Variants in NCOA2 observed in about 807,000 individuals in gnomAD.
The protein encoded by NCOA2 is class E basic helix-loop-helix protein 75.
A neutral mutation model predicts 145.1 loss-of-function variants in NCOA2; 21 were observed. The observed-to-expected ratio is 0.14, with a 90% CI of 0.10 to 0.21. The LOEUF (loss-of-function observed/expected upper bound fraction) is 0.21. Ranked by LOEUF, NCOA2 falls within the 10% of genes least tolerant of loss-of-function variation. The probability of loss-of-function intolerance (pLI) is 1.00; values close to 1 mark genes in which losing one functional copy is unlikely to be tolerated. For synonymous variants in NCOA2, 619 were observed against 637.5 expected (o/e 0.97, Z 0.44); for missense variants, 1,472 against 1,837.6 (o/e 0.80, Z 3.64).
chr8:70,168,937 T>G (rs1266613920), intron 6 of NCOA2, among the ~76,000 whole-genome samples: 1 of 152,232 alleles, frequency 6.6e-6, no homozygotes, highest in Non-Finnish European at 1.5e-5. Flanking sequence ...TTTGTATCAC[T>G]GTTATAGTCA....
chr8:70,223,037 G>A (rs1181284436), intron 2 of NCOA2, among the ~76,000 whole-genome samples: 2 of 152,146 alleles, frequency 1.3e-5, no homozygotes, highest in Non-Finnish European at 2.9e-5. Flanking sequence ...GTTTTAATGA[G>A]GCCTCAGATG....
At chr8:70,142,834 A>G (rs1452125932) in intron 13 of NCOA2, among the ~76,000 whole-genome samples, 2 of 151,536 alleles carry the variant, frequency 1.3e-5, no homozygotes, top group African/African-American at 4.8e-5. Flanking sequence ...TCTGTTATCT[A>G]AATAATATGA....
chr8:70,433,200 G>A, the NCOA2 span, among the ~76,000 whole-genome samples: 5 of 152,116 alleles, frequency 3.3e-5, no homozygotes, highest in Non-Finnish European at 5.9e-5. Flanking sequence ...ATTTCCAAGA[G>A]AAAGAACATG....
At chr8:70,441,694 G>T in the NCOA2 span, among the ~76,000 whole-genome samples, 1 of 121,250 alleles carries the variant, frequency 8.2e-6, no homozygotes, top group East Asian at 2.4e-4. Flanking sequence ...AAAGGAAGAA[G>T]AAAGAAAAGA....
chr8:70,216,844 A>G, intron 2 of NCOA2, 80 bp from the exon 3 acceptor site: 1 of 912,614 alleles, frequency 1.1e-6, no homozygotes, highest in Non-Finnish European at 1.8e-6. Flanking sequence ...ACCAACAATA[A>G]AAGAATTTTG....
intron 1 of NCOA2, among the ~76,000 whole-genome samples, chr8:70,316,088 C>A (rs745413220): frequency 6.6e-6 from 1 of 152,178 alleles, no homozygotes; most frequent in Non-Finnish European, 1.5e-5. Context: ...GGAGAGTCAT[C>A]CGCACGATGC....
intron 2 of NCOA2, among the ~76,000 whole-genome samples, chr8:70,259,250 A>G (rs976832403): frequency 2.6e-5 from 4 of 152,348 alleles, no homozygotes; most frequent in African/African-American, 9.6e-5. Flanking sequence ...GACTACGCTG[A>G]CAGAGCCTTT....
Position 70,157,108 on chromosome 8 carries a change from G to A in NCOA2, c.1257C>T (p.Leu419=). ...CSGNPGQDMT[L]SSNINFPING... ...TTATGGGAAAATTTATATTGCTACT[G>A]AGGGTCATGTCCTGACCTGGGTTCC... Residue 419 remains leucine (L), a synonymous_variant, in exon 11 of 23, where the codon CTC becomes CTT. Transcript: ENST00000452400. 2 of 1,613,988 alleles carry A rather than the reference G, an allele frequency of 1.2e-6. No individual in the cohort carries two copies. The highest frequency in any genetic ancestry group is 1.7e-6 in the Non-Finnish European group (2 of 1,179,888).
the NCOA2 span, among the ~76,000 whole-genome samples, chr8:70,430,522 C>T: frequency 6.6e-6 from 1 of 152,284 alleles, no homozygotes; most frequent in East Asian, 1.9e-4. Context: ...TAGTCATCTC[C>T]AAATGTTTTC....
intron 2 of NCOA2, among the ~76,000 whole-genome samples, chr8:70,218,166 C>T (rs1318321747): frequency 4.6e-5 from 7 of 151,260 alleles, no homozygotes; most frequent in African/African-American, 1.7e-4. Flanking sequence ...AATTTCTTCT[C>T]GCCACTTCTG....
chr8:70,265,455 A>G (rs1000454704), intron 2 of NCOA2, among the ~76,000 whole-genome samples: 1 of 152,230 alleles, frequency 6.6e-6, no homozygotes, highest in Non-Finnish European at 1.5e-5. Flanking sequence ...ATATTTTTCA[A>G]CAGGTAAAAC....
chr8:70,193,064 T>TAAAA (rs397892713), intron 4 of NCOA2, among the ~76,000 whole-genome samples: 3 of 86,546 alleles, frequency 3.5e-5, no homozygotes, highest in Non-Finnish European at 6.2e-5. Flanking sequence ...GAGACTCTAT[T>TAAAA]AAAAAAAAAA....
At chr8:70,436,472 A>C in the NCOA2 span, among the ~76,000 whole-genome samples, 5 of 152,204 alleles carry the variant, frequency 3.3e-5, no homozygotes, top group Non-Finnish European at 7.3e-5. Context: ...GTGAAGTTGA[A>C]TACTGAGCTA....
chr8:70,145,539 T>C (rs895783817), intron 12 of NCOA2, among the ~76,000 whole-genome samples: 2 of 152,078 alleles, frequency 1.3e-5, no homozygotes, highest in East Asian at 3.9e-4. Flanking sequence ...GCCAGGATGG[T>C]CTCGATCTCT....
chr8:70,275,625 G>A (rs1235369163), intron 2 of NCOA2, among the ~76,000 whole-genome samples: 1 of 152,054 alleles, frequency 6.6e-6, no homozygotes, highest in Non-Finnish European at 1.5e-5. Flanking sequence ...AAGCTTAGCG[G>A]AGAAAATATG....
chr8:70,140,545 T>C (rs999984195), intron 14 of NCOA2, among the ~76,000 whole-genome samples: 1 of 151,912 alleles, frequency 6.6e-6, no homozygotes, highest in Admixed American at 6.6e-5. Flanking sequence ...GTTCCTGATA[T>C]TGTTCTGATG....
chr8:70,390,636 G>A (rs1212927102), intron 1 of NCOA2, among the ~76,000 whole-genome samples: 3 of 151,826 alleles, frequency 2.0e-5, no homozygotes, highest in East Asian at 3.9e-4. Flanking sequence ...ACATAGTGGC[G>A]CACACCTGTG....
At chr8:70,214,532 A>G (rs1819388735) in intron 3 of NCOA2, among the ~76,000 whole-genome samples, 1 of 152,266 alleles carries the variant, frequency 6.6e-6, no homozygotes, top group Non-Finnish European at 1.5e-5. Flanking sequence ...CATAAAAAAT[A>G]AAACCAGATA....
intron 1 of NCOA2, among the ~76,000 whole-genome samples, chr8:70,303,380 A>C (rs1440113181): frequency 6.6e-6 from 1 of 152,222 alleles, no homozygotes; most frequent in Admixed American, 6.5e-5. Flanking sequence ...AAAATTCCAG[A>C]GGAGATAATT....
Sources: gnomAD v4.1 joint callset for allele counts (sites outside exome capture counted in the v4.1 genomes callset) on GRCh38, gnomAD v4.1.1 for gene constraint, MANE v1.5 for transcripts, NCBI Gene and HGNC (gene_info 2026-07-23, HGNC 2026-07-21) for gene names.